Variants in TRIM62 observed in about 807,000 individuals in gnomAD.
TRIM62 encodes E3 ubiquitin-protein ligase TRIM62.
In TRIM62, 39 loss-of-function variants were observed where a neutral mutation model predicts 44.2. The observed-to-expected ratio is 0.88, with a 90% CI of 0.68 to 1.15. The LOEUF is 1.15. Ranked by LOEUF, TRIM62 falls within the 50% of genes most tolerant of loss-of-function variation. The pLI, the probability that TRIM62 is intolerant of heterozygous loss-of-function variation, is 0.00. For missense variants in TRIM62, 544 were observed against 665.5 expected (o/e 0.82, Z 2.01); for synonymous variants, 278 against 292.3 (o/e 0.95, Z 0.50).
At chr1:33,149,064 A>T (rs599167) in intron 4 of TRIM62, among the ~76,000 whole-genome samples, 111,394 of 152,044 alleles carry the variant, frequency 0.73, 40,834 homozygotes, top group Admixed American at 0.76. Flanking sequence ...CCAGAGGCTC[A>T]ATTCAAAAGG....
intron 1 of TRIM62, among the ~76,000 whole-genome samples, chr1:33,179,254 C>T (rs1645443295): frequency 6.6e-6 from 1 of 152,220 alleles, no homozygotes; most frequent in Non-Finnish European, 1.5e-5. Context: ...GAGGCCCAGG[C>T]CCTTGCTCAC....
intron 1 of TRIM62, among the ~76,000 whole-genome samples, chr1:33,174,930 C>A (rs1421622559): frequency 8.7e-6 from 1 of 114,564 alleles, no homozygotes; most frequent in Non-Finnish European, 1.7e-5. Flanking sequence ...CACACACACA[C>A]ATACATATAT....
chr1:33,151,222 C>T (rs912154070), intron 4 of TRIM62, among the ~76,000 whole-genome samples: 12 of 152,224 alleles, frequency 7.9e-5, no homozygotes, highest in South Asian at 6.2e-4. Context: ...CCAGCCCTGG[C>T]GAGCGGACCT....
In TRIM62 at chr1:33,167,570, C is replaced by G. The variant is rs991498435; in HGVS notation, c.409-2004G>C. On this transcript the variant is annotated intron_variant, in intron 1 of 4. Transcript: ENST00000291416. The surrounding 1 kb of genome is among the most constrained non-coding windows in gnomAD (Gnocchi z 4.2). ...CTGCTCCCTCTCCATATACCTCACA[C>G]CCAGCAACAGCCTGGCACTGAGATG... is the stretch of plus-strand genomic sequence containing the variant. 4.6e-5 allele frequency among the ~76,000 whole-genome samples: 7 copies of G among 152,178 alleles called. No homozygotes were observed. The highest frequency in any genetic ancestry group is 1.7e-4 in the African/African-American group (7 of 41,438).
chr1:33,163,783 C>T (rs1307396029), intron 2 of TRIM62: 1 of 152,424 alleles, frequency 6.6e-6, no homozygotes, highest in Non-Finnish European at 1.5e-5. Context: ...GCAGGAAAGC[C>T]GAGTCAGGCA....
intron 2 of TRIM62, 134 bp from the exon 3 acceptor site, chr1:33,160,078 C>T (rs1645243833): frequency 1.7e-6 from 2 of 1,154,088 alleles, no homozygotes; most frequent in Admixed American, 5.0e-5. Context: ...GGGGAAATGT[C>T]ACATGCAAAA....
intron 4 of TRIM62, 51 bp downstream of exon 4, chr1:33,158,202 G>A (rs770945745): frequency 6.5e-7 from 1 of 1,543,782 alleles, no homozygotes; most frequent in Middle Eastern, 1.7e-4. Context: ...GGGCTGGGCT[G>A]TGCTGGGACA....
intron 2 of TRIM62, among the ~76,000 whole-genome samples, chr1:33,160,230 G>A (rs556344014): frequency 8.5e-4 from 129 of 152,232 alleles, no homozygotes; most frequent in African/African-American, 3.1e-3. Flanking sequence ...CTAGAGGGCA[G>A]CCTCTTTGAC....
At position 33,165,580 on chromosome 1, in the gene TRIM62, A is replaced by G; in HGVS notation, c.409-14T>C. The G allele has an allele frequency of 6.3e-7, 1 of 1,597,686 alleles. No individual in the cohort carries two copies. The highest frequency in any genetic ancestry group is 8.5e-7 in the Non-Finnish European group (1 of 1,170,420). ...CTTCAGCTCCCTCTGAAACACACACAGGGCCGGGATGGGGGCAGGGGCCAT... is the reference window on the plus strand; with the variant it reads ...CTTCAGCTCCCTCTGAAACACACACGGGGCCGGGATGGGGGCAGGGGCCAT... On this transcript the variant is annotated splice_polypyrimidine_tract_variant and intron_variant, in intron 1 of 4. Coordinates refer to ENST00000291416, the MANE Select transcript of TRIM62 (RefSeq NM_018207.3). This position sits in a 1 kb window ranked among gnomAD's most constrained non-coding sequence, Gnocchi z 4.0.
intron 1 of TRIM62, among the ~76,000 whole-genome samples, chr1:33,175,031 T>TATGTTTATGTA (rs1161088243): frequency 1.4e-5 from 2 of 147,102 alleles, no homozygotes; most frequent in African/African-American, 5.1e-5. Context: ...ATGTATATGT[T>TATGTTTATGTA]TATGTATATG....
At position 33,161,161 on chromosome 1, in the gene TRIM62, G is replaced by T. The variant is rs185177822; in HGVS notation, c.505-1217C>A. ...GGTGTTGTTGTGCGCACTCCAAGGC[G>T]CAGAGAAAGAGCCTGGTTATTGAAG... On this transcript the variant is annotated intron_variant, in intron 2 of 4. Coordinates refer to ENST00000291416, the MANE Select transcript of TRIM62 (RefSeq NM_018207.3). This position sits in a 1 kb window ranked among gnomAD's most constrained non-coding sequence, Gnocchi z 4.3. 2.0e-5 allele frequency among the ~76,000 whole-genome samples: 3 copies of T among 152,230 alleles called. No individual in the cohort carries two copies. Among genetic ancestry groups the T allele is most frequent in the Non-Finnish European group, 2.9e-5 (2 of 68,032 alleles).
intron 4 of TRIM62, among the ~76,000 whole-genome samples, chr1:33,150,739 G>T (rs1275289204): frequency 6.6e-6 from 1 of 152,176 alleles, no homozygotes; most frequent in East Asian, 1.9e-4. Flanking sequence ...GGAGGTGGGA[G>T]TGGGAGGGAG....
At position 33,161,944 on chromosome 1, in the gene TRIM62, C is replaced by T. The variant is rs1048156191; in HGVS notation, c.505-2000G>A. On this transcript the variant is annotated intron_variant, in intron 2 of 4. Transcript: ENST00000291416. The surrounding 1 kb of genome is among the most constrained non-coding windows in gnomAD (Gnocchi z 4.3). ...CACCCTGAACACCTGCCCCCATTTT[C>T]AACTTGAACTGCTTTAAGGATGGTT... Among the ~76,000 whole-genome samples the T allele has an allele frequency of 1.3e-5, 2 of 152,158 alleles. No homozygotes were observed. The highest frequency in any genetic ancestry group is 6.5e-5 in the Admixed American group (1 of 15,270).
At chr1:33,162,615 G>T (rs565139713) in intron 2 of TRIM62, among the ~76,000 whole-genome samples, 1 of 152,172 alleles carries the variant, frequency 6.6e-6, no homozygotes, top group African/African-American at 2.4e-5. Flanking sequence ...AGATTGCTCC[G>T]TAGAGCTGGG....
intron 4 of TRIM62, among the ~76,000 whole-genome samples, chr1:33,150,242 T>C (rs1019430652): frequency 4.6e-5 from 7 of 152,232 alleles, no homozygotes; most frequent in African/African-American, 7.2e-5. Flanking sequence ...GCTCTCTGGC[T>C]CTTTCCTTTA....
In TRIM62 at chr1:33,165,540, G is replaced by A. The variant is rs762281324; in HGVS notation, c.435C>T (p.Ala145=). 2 of 1,610,316 alleles carry A rather than the reference G, an allele frequency of 1.2e-6. No homozygotes were observed. Among genetic ancestry groups the A allele is most frequent in the African/African-American group, 2.7e-5 (2 of 74,794 alleles). ...TGTGTTCCCGCTCGCTGTCTTGAAG[G>A]GCCTGAAGTTGGTCCTTCAGCTCCC... is the stretch of plus-strand genomic sequence containing the variant. ...LQRELKDQLQ[A]LQDSEREHTE... is the part of the protein sequence containing the mutation. The change falls in exon 2 of 5, where the codon GCC becomes GCT. Residue 145 remains alanine (A), a synonymous_variant. Coordinates refer to ENST00000291416, the MANE Select transcript of TRIM62 (RefSeq NM_018207.3). This position sits in a 1 kb window ranked among gnomAD's most constrained non-coding sequence, Gnocchi z 4.0.
intron 1 of TRIM62, among the ~76,000 whole-genome samples, chr1:33,169,977 C>T (rs371614202): frequency 6.6e-6 from 1 of 152,194 alleles, no homozygotes; most frequent in South Asian, 2.1e-4. Flanking sequence ...CAGTGTCCCA[C>T]ACTTGTACCC....
intron 4 of TRIM62, among the ~76,000 whole-genome samples, chr1:33,151,869 G>T (rs1645103518): frequency 6.6e-6 from 1 of 152,250 alleles, no homozygotes; most frequent in African/African-American, 2.4e-5. Context: ...CCGGGGCACA[G>T]CCCAGCACAG....
At chr1:33,170,147 T>A (rs1645361629) in intron 1 of TRIM62, among the ~76,000 whole-genome samples, 1 of 152,042 alleles carries the variant, frequency 6.6e-6, no homozygotes, top group Non-Finnish European at 1.5e-5. Flanking sequence ...CTGGCCAACA[T>A]GGCAAAACCC....
Sources: allele counts gnomAD v4.1 joint callset (sites outside exome capture counted in the v4.1 genomes callset), GRCh38; gene constraint gnomAD v4.1.1; non-coding constraint Gnocchi (gnomAD v3.1); transcripts MANE v1.5; gene names NCBI Gene and HGNC (gene_info 2026-07-23, HGNC 2026-07-21).